Variants in ENTPD5 observed in about 807,000 individuals in gnomAD.
The protein encoded by ENTPD5 is nucleoside diphosphate phosphatase ENTPD5.
In ENTPD5, 49 loss-of-function variants were observed where a neutral mutation model predicts 60.2. That is an observed-to-expected ratio of 0.81 (90% CI 0.65 to 1.03). The LOEUF is 1.03. ENTPD5 is among the 50% of genes least tolerant of loss of function. ENTPD5 has a pLI of 0.00. For synonymous variants in ENTPD5, 187 were observed against 185.4 expected, an observed-to-expected ratio of 1.01 and a Z score of -0.07; for missense variants, 480 against 507.6, an observed-to-expected ratio of 0.95 and a Z score of 0.52.
At chr14:73,976,175 A>G in intron 9 of ENTPD5, 149 bp downstream of exon 9, 1 of 809,344 alleles carries the variant, frequency 1.2e-6, no homozygotes, top group Non-Finnish European at 2.0e-6. Flanking sequence ...GAACAGTGAG[A>G]TGGCAAGGGA....
intron 5 of ENTPD5, among the ~76,000 whole-genome samples, chr14:73,983,526 A>G (rs1167377625): frequency 6.7e-6 from 1 of 149,898 alleles, no homozygotes; most frequent in East Asian, 2.0e-4. Context: ...CGGGAGGCTG[A>G]GGCAAGAGCA....
chr14:73,987,317 A>C (rs1198593875), intron 4 of ENTPD5, among the ~76,000 whole-genome samples: 1 of 152,200 alleles, frequency 6.6e-6, no homozygotes, highest in Admixed American at 6.6e-5. Context: ...AGAACAAATT[A>C]TAACTATTCT....
At chr14:74,008,904 C>T (rs918769367) in intron 3 of ENTPD5, 2 of 152,190 alleles carry the variant, frequency 1.3e-5, no homozygotes, top group African/African-American at 4.8e-5. Context: ...ATTGATGTCA[C>T]TGGTAGTTAT....
chr14:74,002,927 A>G (rs1241370846), intron 3 of ENTPD5, among the ~76,000 whole-genome samples: 3 of 152,076 alleles, frequency 2.0e-5, no homozygotes, highest in African/African-American at 4.8e-5. Context: ...CTCTCCCCCA[A>G]CACTGACCTC....
At chr14:74,009,302 A>G (rs899788886) in intron 3 of ENTPD5, 1 of 152,200 alleles carries the variant, frequency 6.6e-6, no homozygotes, top group Non-Finnish European at 1.5e-5. Context: ...ACCCATATCC[A>G]TTGTGGGAGG....
chr14:73,965,349 C>T lies in ENTPD5; in HGVS notation c.*1579G>A, dbSNP rs1280328774. 1 of 152,110 alleles carries T rather than the reference C, an allele frequency of 6.6e-6. No individual in the cohort carries two copies. Among genetic ancestry groups the T allele is most frequent in the African/African-American group, 2.4e-5 (1 of 41,408 alleles). 9.4% of individuals were successfully genotyped at this position (152,110 alleles called of 1,614,324 possible). ...TGCAAAGAAGCTGGAGGTTAACAACCAAGGCAAAGGGGCCAGACCACAGGG... is the reference window on the plus strand; with the variant it reads ...TGCAAAGAAGCTGGAGGTTAACAACTAAGGCAAAGGGGCCAGACCACAGGG... On this transcript the variant is annotated 3_prime_UTR_variant, in exon 16 of 16. Coordinates refer to ENST00000334696, the MANE Select transcript of ENTPD5 (RefSeq NM_001249.5).
At chr14:73,983,482 G>A (rs1369292925) in intron 5 of ENTPD5, among the ~76,000 whole-genome samples, 1 of 151,838 alleles carries the variant, frequency 6.6e-6, no homozygotes, top group Non-Finnish European at 1.5e-5. Flanking sequence ...AAATAAGCCA[G>A]GCATGGTGGC....
chr14:73,956,965 A>G (rs1345562657), downstream of ENTPD5, among the ~76,000 whole-genome samples: 1 of 152,188 alleles, frequency 6.6e-6, no homozygotes, highest in African/African-American at 2.4e-5. Flanking sequence ...ATGTACATGC[A>G]TAGGAAATTG....
At chr14:73,994,623 C>G (rs2058270521) in intron 3 of ENTPD5, among the ~76,000 whole-genome samples, 1 of 151,374 alleles carries the variant, frequency 6.6e-6, no homozygotes, top group Admixed American at 6.6e-5. Flanking sequence ...ATCCCAACTA[C>G]TTGGGAGGCT....
chr14:73,973,590 G>A (rs1299385107), intron 12 of ENTPD5, among the ~76,000 whole-genome samples: 1 of 152,196 alleles, frequency 6.6e-6, no homozygotes, highest in African/African-American at 2.4e-5. Flanking sequence ...ATGGGCTCAA[G>A]TGATCCTCTT....
chr14:74,010,352 T>C (rs924915754), intron 3 of ENTPD5, among the ~76,000 whole-genome samples: 3 of 152,112 alleles, frequency 2.0e-5, no homozygotes, highest in African/African-American at 4.8e-5. Context: ...GTCGGGAGTT[T>C]GAGACCAGCC....
chr14:73,997,636 G>GT (rs2058380102), intron 3 of ENTPD5, among the ~76,000 whole-genome samples: 1 of 152,086 alleles, frequency 6.6e-6, no homozygotes, highest in African/African-American at 2.4e-5. Flanking sequence ...CAAAACCAAG[G>GT]TAGGTCTAAT....
Position 73,973,025 on chromosome 14 carries a change from C to T in ENTPD5, c.887-1G>A, listed in dbSNP as rs770302750. 14 of 1,614,090 alleles carry T rather than the reference C, an allele frequency of 8.7e-6. No homozygotes were observed. Among genetic ancestry groups the T allele is most frequent in the Non-Finnish European group, 1.1e-5 (13 of 1,179,968 alleles). ...TAGCAGGGCTCAAAGCCCACCTCCCCTGCCAGGCAAAGGTGCACAGGGGTA... is the reference window on the plus strand; with the variant it reads ...TAGCAGGGCTCAAAGCCCACCTCCCTTGCCAGGCAAAGGTGCACAGGGGTA... On this transcript the variant is annotated splice_acceptor_variant, in intron 12 of 15. Coordinates refer to ENST00000334696, the MANE Select transcript of ENTPD5 (RefSeq NM_001249.5). LOFTEE classifies it high-confidence loss of function.
Position 73,973,974 on chromosome 14 carries a change from A to G in ENTPD5, c.789T>C (p.Thr263=). Residue 263 remains threonine (T), a synonymous_variant, in exon 12 of 16, where the codon ACT becomes ACC. Transcript: ENST00000334696. ...AGGCACTCCGGAAAGTGTGCCCATC[A>G]GTCCCTGAAAGAATCCAGGGCACAA... The part of the protein sequence containing the change: ...ATLGALETEG[T]DGHTFRSACL... 1 of 1,613,990 alleles carries G rather than the reference A, an allele frequency of 6.2e-7. No individual in the cohort carries two copies. The highest frequency in any genetic ancestry group is 8.5e-7 in the Non-Finnish European group (1 of 1,179,850).
intron 6 of ENTPD5, among the ~76,000 whole-genome samples, chr14:73,981,556 A>C (rs934228938): frequency 6.6e-6 from 1 of 151,846 alleles, no homozygotes; most frequent in Admixed American, 6.6e-5. Context: ...TAATCCTAGC[A>C]CTTTGGGAGG....
chr14:74,005,662 G>A (rs908057026), intron 3 of ENTPD5, among the ~76,000 whole-genome samples: 39 of 151,504 alleles, frequency 2.6e-4, no homozygotes, highest in Admixed American at 7.2e-4. Flanking sequence ...ACAAAAATTA[G>A]CTGGGTGTGT....
intron 6 of ENTPD5, among the ~76,000 whole-genome samples, chr14:73,981,357 G>A (rs1025480868): frequency 6.6e-6 from 1 of 151,832 alleles, no homozygotes; most frequent in Admixed American, 6.6e-5. Flanking sequence ...AAATTAGCCA[G>A]GCGTGGTGGT....
chr14:74,015,145 G>A (rs542505222), intron 2 of ENTPD5, among the ~76,000 whole-genome samples: 1 of 151,662 alleles, frequency 6.6e-6, no homozygotes, highest in Non-Finnish European at 1.5e-5. Context: ...ATTTATTCAG[G>A]ATTCTAAAGG....
At chr14:73,986,777 C>T (rs958594228) in intron 5 of ENTPD5, 37 bp downstream of exon 5, 8 of 1,418,570 alleles carry the variant, frequency 5.6e-6, no homozygotes, top group Non-Finnish European at 4.0e-6. Flanking sequence ...GTTATCAAGG[C>T]ATTGAGAATC....
Sources: gnomAD v4.1 joint callset for allele counts (sites outside exome capture counted in the v4.1 genomes callset) on GRCh38, gnomAD v4.1.1 for gene constraint, MANE v1.5 for transcripts, NCBI Gene and HGNC (gene_info 2026-07-23, HGNC 2026-07-21) for gene names.